STAT5B: variants seen among roughly 807,000 people sequenced by gnomAD.
The protein encoded by STAT5B is transcription factor STAT5B.
Under a neutral mutation model 107.8 loss-of-function variants are expected in STAT5B, and 21 were observed. That is an observed-to-expected ratio of 0.19 (90% CI 0.14 to 0.28). The LOEUF (loss-of-function observed/expected upper bound fraction) is 0.28, where lower values mean the gene tolerates loss of function less well. STAT5B is among the 10% of genes least tolerant of loss of function. The pLI is 1.00. For missense variants in STAT5B, 565 were observed against 1,008.2 expected (o/e 0.56, Z 5.95); for synonymous variants, 325 against 401.7 (o/e 0.81, Z 2.28).
At chr17:42,242,449 A>C (rs1483391291) in intron 1 of STAT5B, among the ~76,000 whole-genome samples, 1 of 152,210 alleles carries the variant, frequency 6.6e-6, no homozygotes, top group Non-Finnish European at 1.5e-5. Context: ...CTGGCGGACA[A>C]TGCCTTAACC....
intron 1 of STAT5B, among the ~76,000 whole-genome samples, chr17:42,236,416 A>G (rs2080356554): frequency 6.6e-6 from 1 of 152,208 alleles, no homozygotes; most frequent in South Asian, 2.1e-4. Context: ...TTACGTGAAT[A>G]ACACCTAGAA....
At chr17:42,245,136 G>A (rs927263278) in intron 1 of STAT5B, among the ~76,000 whole-genome samples, 1 of 146,344 alleles carries the variant, frequency 6.8e-6, no homozygotes, top group Non-Finnish European at 1.5e-5. Flanking sequence ...GGAGTGCAGT[G>A]GCGCGATCTC....
chr17:42,259,135 T>C (rs534776710), intron 1 of STAT5B, among the ~76,000 whole-genome samples: 3 of 152,250 alleles, frequency 2.0e-5, no homozygotes, highest in African/African-American at 4.8e-5. Flanking sequence ...ACAGTTGAGG[T>C]ATACCTGAAA....
chr17:42,262,844 A>ATGTG (rs1567677024), intron 1 of STAT5B, among the ~76,000 whole-genome samples: 1 of 122,814 alleles, frequency 8.1e-6, no homozygotes, highest in African/African-American at 3.1e-5. Context: ...ACACACATAT[A>ATGTG]TATGTATATA....
the STAT5B span, among the ~76,000 whole-genome samples, chr17:42,284,871 A>G: frequency 6.6e-6 from 1 of 152,160 alleles, no homozygotes; most frequent in Non-Finnish European, 1.5e-5. Context: ...GGTTTCTTTC[A>G]TGGACTAATC....
At chr17:42,283,881 C>A in the STAT5B span, among the ~76,000 whole-genome samples, 1 of 152,168 alleles carries the variant, frequency 6.6e-6, no homozygotes, top group African/African-American at 2.4e-5. Flanking sequence ...CTTCTAGAAG[C>A]CTTCTCCGGT....
intron 2 of STAT5B, 53 bp downstream of exon 2, chr17:42,231,947 T>A (rs2080320829): frequency 6.2e-7 from 1 of 1,610,720 alleles, no homozygotes; most frequent in Non-Finnish European, 8.5e-7. Flanking sequence ...CTAAACAAAC[T>A]CCAATATTCT....
At chr17:42,262,993 TATATATATATATATATATATATAA>T (rs1443602782) in intron 1 of STAT5B, among the ~76,000 whole-genome samples, 2,237 of 67,498 alleles carry the variant, frequency 0.033, 170 homozygotes, top group African/African-American at 0.14. Context: ...TATATATATA[TATATATATATATATATATATATAA>T]AAAAACAAAA....
chr17:42,223,591 G>A (rs749948344), intron 4 of STAT5B, 35 bp from the exon 5 acceptor site: 8 of 1,609,664 alleles, frequency 5.0e-6, no homozygotes, highest in Middle Eastern at 1.7e-4. Context: ...AAGGCAGTGC[G>A]AATGGGAGGA....
intron 5 of STAT5B, among the ~76,000 whole-genome samples, chr17:42,222,717 T>C (rs2080240869): frequency 6.6e-6 from 1 of 151,662 alleles, no homozygotes; most frequent in Admixed American, 6.6e-5. Flanking sequence ...ATTTTGCTCT[T>C]TTTGTCCAGG....
chr17:42,213,069 A>G (rs1162951567), intron 12 of STAT5B, among the ~76,000 whole-genome samples: 4 of 152,188 alleles, frequency 2.6e-5, no homozygotes, highest in Non-Finnish European at 4.4e-5. Context: ...ATCAGCACAT[A>G]AAGAAATTTC....
chr17:42,257,744 T>C (rs1005513644), intron 1 of STAT5B, among the ~76,000 whole-genome samples: 5 of 152,312 alleles, frequency 3.3e-5, no homozygotes, highest in Middle Eastern at 6.8e-3. Flanking sequence ...GGGTGGTAGA[T>C]AGCTAGCCAA....
intron 1 of STAT5B, among the ~76,000 whole-genome samples, chr17:42,236,088 A>C (rs546143960): frequency 6.6e-6 from 1 of 152,334 alleles, no homozygotes; most frequent in African/African-American, 2.4e-5. Flanking sequence ...TCTAGTTATG[A>C]ACATGCCATA....
chr17:42,276,708 G>A (rs2080770333), upstream of STAT5B: 1 of 152,038 alleles, frequency 6.6e-6, no homozygotes, highest in South Asian at 2.1e-4. This position sits in a 1 kb window ranked among gnomAD's most constrained non-coding sequence, Gnocchi z 4.8. Context: ...TGCTTTGTTT[G>A]GGTTGGGTCG....
chr17:42,232,168 T>G (rs780430273), intron 1 of STAT5B, 31 bp from the exon 2 acceptor site: 1 of 1,605,072 alleles, frequency 6.2e-7, no homozygotes, highest in Non-Finnish European at 8.5e-7. Context: ...GCTTTGGGCG[T>G]TTTTTCTTTA....
chr17:42,266,322 C>A (rs1056326381), intron 1 of STAT5B, among the ~76,000 whole-genome samples: 1 of 151,558 alleles, frequency 6.6e-6, no homozygotes, highest in Non-Finnish European at 1.5e-5. Context: ...GAGCTCAGGA[C>A]TTTGAGACCA....
At chr17:42,223,581 A>G (rs1435070128) in intron 4 of STAT5B, 25 bp from the exon 5 acceptor site, 1 of 1,612,452 alleles carries the variant, frequency 6.2e-7, no homozygotes, top group Non-Finnish European at 8.5e-7. Context: ...GGGGCAGTGC[A>G]AGGCAGTGCG....
chr17:42,273,937 C>G (rs148383952), intron 1 of STAT5B, among the ~76,000 whole-genome samples: 36 of 152,104 alleles, frequency 2.4e-4, no homozygotes, highest in African/African-American at 8.7e-4. Flanking sequence ...TAAAAACAAT[C>G]AAGAGAGGAA....
chr17:42,249,900 G>A (rs772279284), intron 1 of STAT5B, among the ~76,000 whole-genome samples: 9 of 152,054 alleles, frequency 5.9e-5, no homozygotes, highest in Non-Finnish European at 1.2e-4. Flanking sequence ...GAACTCAAGC[G>A]CTCCACCCAC....
Sources: gnomAD v4.1 joint callset for allele counts (sites outside exome capture counted in the v4.1 genomes callset) on GRCh38, gnomAD v4.1.1 for gene constraint, Gnocchi (gnomAD v3.1) non-coding constraint, MANE v1.5 for transcripts, NCBI Gene and HGNC (gene_info 2026-07-23, HGNC 2026-07-21) for gene names.